FYN: variants seen among roughly 807,000 people sequenced by gnomAD.
FYN encodes tyrosine-protein kinase Fyn.
FYN carries 10 observed loss-of-function variants against 70.2 expected under a neutral mutation model. The ratio of observed to expected loss-of-function variants is 0.14; its 90% CI spans 0.09 to 0.24. The LOEUF (loss-of-function observed/expected upper bound fraction) is 0.24. Ranked by LOEUF, FYN falls within the 10% of genes least tolerant of loss-of-function variation. FYN has a pLI of 1.00. For missense variants in FYN, 319 were observed against 673.1 expected (o/e 0.47, Z 5.82); for synonymous variants, 236 against 248.6 (o/e 0.95, Z 0.48).
chr6:111,791,033 C>T (rs543305425), intron 2 of FYN, among the ~76,000 whole-genome samples: 43 of 151,832 alleles, frequency 2.8e-4, no homozygotes, highest in African/African-American at 1.0e-3. Context: ...TAAACTAGGT[C>T]TTTTTTTTCT....
In FYN at chr6:111,774,318, A is replaced by T. The variant is rs147137216; in HGVS notation, c.-12+6248T>A. Among the ~76,000 whole-genome samples the T allele has an allele frequency of 5.2e-3, 787 of 152,270 alleles. 7 individuals carry two copies. Among genetic ancestry groups the T allele is most frequent in the African/African-American group, 0.017 (689 of 41,536 alleles). ...AAATTAATTCTGTGATGCCTTTAAC[A>T]CAGAGAGGGCTATAAAGGATCTGGA... is the stretch of plus-strand genomic sequence containing the variant. On this transcript the variant is annotated intron_variant, in intron 3 of 13. Coordinates refer to ENST00000354650, the MANE Select transcript of FYN (RefSeq NM_002037.5).
At chr6:111,865,778 G>A (rs1774087206) in intron 1 of FYN, among the ~76,000 whole-genome samples, 1 of 152,128 alleles carries the variant, frequency 6.6e-6, no homozygotes, top group Admixed American at 6.5e-5. Flanking sequence ...ATGACATTCT[G>A]AAGTCAAACT....
intron 1 of FYN, among the ~76,000 whole-genome samples, chr6:111,860,711 T>C (rs1046333779): frequency 5.3e-5 from 8 of 152,246 alleles, no homozygotes; most frequent in East Asian, 3.8e-4. Context: ...CTGGCACCCA[T>C]AGAGGCATCT....
intron 2 of FYN, among the ~76,000 whole-genome samples, chr6:111,788,423 G>A (rs1008029366): frequency 2.6e-5 from 4 of 152,190 alleles, no homozygotes; most frequent in African/African-American, 9.7e-5. Flanking sequence ...AGCATGTATA[G>A]ACTGATGATA....
intron 13 of FYN, among the ~76,000 whole-genome samples, chr6:111,667,294 A>G (rs1399788872): frequency 1.3e-5 from 2 of 152,210 alleles, no homozygotes; most frequent in African/African-American, 4.8e-5. Flanking sequence ...CCTGGAGTGC[A>G]GTGGCATGAT....
Position 111,780,933 on chromosome 6 carries a change from T to C in FYN, c.-81-298A>G, listed in dbSNP as rs187413131. 3.9e-5 allele frequency: 6 copies of C among 152,318 alleles called. No homozygotes were observed. The East Asian group carries it at 9.6e-4, about 24-fold the overall frequency. 9.4% of individuals were successfully genotyped at this position (152,318 alleles called of 1,614,324 possible). On this transcript the variant is annotated intron_variant, in intron 2 of 13. Coordinates refer to ENST00000354650, the MANE Select transcript of FYN (RefSeq NM_002037.5). ...GAAATATTTGAAGACAAGAGAACAA[T>C]GGAAAAATATCTGCAGTTGAACTCA...
intron 2 of FYN, among the ~76,000 whole-genome samples, chr6:111,793,388 C>T (rs1325942077): frequency 6.6e-6 from 1 of 151,598 alleles, no homozygotes; most frequent in Non-Finnish European, 1.5e-5. Flanking sequence ...AAAACCGTTT[C>T]CTGGGGCCTT....
At chr6:111,699,889 T>C in intron 9 of FYN, 1 of 648,506 alleles carries the variant, frequency 1.5e-6, no homozygotes, top group Non-Finnish European at 2.5e-6. Flanking sequence ...CTTGAGCCAT[T>C]TGCCAATTTT....
chr6:111,758,338 C>T (rs374157262), intron 3 of FYN, among the ~76,000 whole-genome samples: 10 of 152,292 alleles, frequency 6.6e-5, no homozygotes, highest in Admixed American at 6.5e-4. Flanking sequence ...CGGGAAAGGA[C>T]ATTCAACAAA....
chr6:111,674,445 G>A (rs1798447008), intron 13 of FYN, 54 bp downstream of exon 13: 1 of 1,555,816 alleles, frequency 6.4e-7, no homozygotes, highest in African/African-American at 1.4e-5. Context: ...TTTCCCAAAT[G>A]GTGTCAAAAA....
At chr6:111,780,137 T>C (rs1415443955) in intron 3 of FYN, among the ~76,000 whole-genome samples, 1 of 152,204 alleles carries the variant, frequency 6.6e-6, no homozygotes, top group Non-Finnish European at 1.5e-5. Flanking sequence ...GCTGGACTTG[T>C]AGCTTCCTTT....
intron 3 of FYN, among the ~76,000 whole-genome samples, chr6:111,750,196 A>C (rs184219932): frequency 7.2e-4 from 110 of 152,216 alleles, no homozygotes; most frequent in Non-Finnish European, 1.4e-3. Flanking sequence ...ATAATCCCCA[A>C]CTTTGGAGGT....
At chr6:111,790,202 CA>C (rs373407180) in intron 2 of FYN, among the ~76,000 whole-genome samples, 18 of 138,414 alleles carry the variant, frequency 1.3e-4, no homozygotes, top group African/African-American at 4.5e-4. Flanking sequence ...CATTTTATTT[CA>C]AAAAAAAATT....
chr6:111,786,231 C>T lies in FYN; in HGVS notation c.-81-5596G>A, dbSNP rs184743895. On this transcript the variant is annotated intron_variant, in intron 2 of 13. Coordinates refer to ENST00000354650, the MANE Select transcript of FYN (RefSeq NM_002037.5). The stretch of plus-strand genomic sequence containing the variant: ...CTCCTCCCCACAACCCATGACAGGC[C>T]CTGGTGTGTGATGTTCCCCTTCCTG... 9.2e-5 allele frequency among the ~76,000 whole-genome samples: 14 copies of T among 152,044 alleles called. No homozygotes were observed. In the East Asian group the frequency reaches 2.7e-3, roughly 30 times the overall value.
At chr6:111,764,160 T>TAA (rs77942021) in intron 3 of FYN, among the ~76,000 whole-genome samples, 57 of 34,658 alleles carry the variant, frequency 1.6e-3, no homozygotes, top group Admixed American at 0.014. Context: ...AAATTTTCCA[T>TAA]AAAAAAAAAT....
At chr6:111,824,939 T>G (rs928338658) in intron 2 of FYN, among the ~76,000 whole-genome samples, 2 of 152,248 alleles carry the variant, frequency 1.3e-5, no homozygotes, top group African/African-American at 2.4e-5. Context: ...AGGAATTGTT[T>G]AAAGTTTTCA....
At chr6:111,728,829 G>A (rs1801310929) in intron 3 of FYN, among the ~76,000 whole-genome samples, 1 of 152,098 alleles carries the variant, frequency 6.6e-6, no homozygotes, top group Non-Finnish European at 1.5e-5. Flanking sequence ...TTTCTGTGGA[G>A]ATATGTTTTC....
intron 3 of FYN, among the ~76,000 whole-genome samples, chr6:111,724,543 G>T (rs142534502): frequency 1.3e-5 from 2 of 152,220 alleles, no homozygotes; most frequent in African/African-American, 4.8e-5. Context: ...TAAGATTTCA[G>T]GTGTGTGCAG....
intron 13 of FYN, among the ~76,000 whole-genome samples, chr6:111,665,626 A>AT (rs1204180296): frequency 8.6e-5 from 13 of 151,456 alleles, no homozygotes; most frequent in Admixed American, 2.0e-4. Context: ...TTTTTTATTT[A>AT]TTTATTTTTT....
Sources: allele counts gnomAD v4.1 joint callset (sites outside exome capture counted in the v4.1 genomes callset), GRCh38; gene constraint gnomAD v4.1.1; transcripts MANE v1.5; gene names NCBI Gene and HGNC (gene_info 2026-07-23, HGNC 2026-07-21).